ADAMTSL1: variants seen among roughly 807,000 people sequenced by gnomAD.
ADAMTSL1 encodes ADAMTS like 1.
In ADAMTSL1, 126 loss-of-function variants were observed where a neutral mutation model predicts 201.8. The observed-to-expected ratio is 0.62, with a 90% confidence interval of 0.54 to 0.72. ADAMTSL1 has a LOEUF of 0.72. Ranked by LOEUF, ADAMTSL1 falls within the 30% of genes least tolerant of loss-of-function variation. The pLI, the probability that ADAMTSL1 is intolerant of heterozygous loss-of-function variation, is 0.00. For synonymous variants in ADAMTSL1, 1,121 were observed against 903.4 expected (o/e 1.24, Z -4.32); for missense variants, 2,679 against 2,277.8 (o/e 1.18, Z -3.59).
At chr9:18,493,266 C>A (rs191697010) in intron 1 of ADAMTSL1, among the ~76,000 whole-genome samples, 12 of 152,296 alleles carry the variant, frequency 7.9e-5, no homozygotes, top group Admixed American at 7.2e-4. Context: ...ATTAATTCTG[C>A]TCAACTTTAC....
At chr9:18,763,568 A>G (rs1402548143) in intron 16 of ADAMTSL1, among the ~76,000 whole-genome samples, 1 of 152,108 alleles carries the variant, frequency 6.6e-6, no homozygotes, top group Non-Finnish European at 1.5e-5. Context: ...GTCCAGACCA[A>G]TGTCCTGGAG....
At chr9:18,681,578 T>C (rs1830470784) in intron 11 of ADAMTSL1, 1 of 326,732 alleles carries the variant, frequency 3.1e-6, no homozygotes, top group South Asian at 5.5e-5. Flanking sequence ...GACTGATTAA[T>C]CCAAAGCTAT....
chr9:18,865,229 C>T (rs1827451274), intron 23 of ADAMTSL1, among the ~76,000 whole-genome samples: 1 of 152,054 alleles, frequency 6.6e-6, no homozygotes, highest in Admixed American at 6.6e-5. Flanking sequence ...TGTGATGTTC[C>T]CCTTCCTGTG....
At chr9:18,587,547 T>A (rs1368138678) in intron 4 of ADAMTSL1, among the ~76,000 whole-genome samples, 1 of 152,196 alleles carries the variant, frequency 6.6e-6, no homozygotes, top group Non-Finnish European at 1.5e-5. Flanking sequence ...ATTGTCACTA[T>A]AATTTTCCCC....
chr9:18,446,497 A>C (rs1181356824), intron 2 of ADAMTSL1, among the ~76,000 whole-genome samples: 1 of 152,270 alleles, frequency 6.6e-6, no homozygotes, highest in Non-Finnish European at 1.5e-5. Context: ...AAAGTATCAC[A>C]AAATGTCAAC....
At chr9:18,283,843 C>T (rs368372331) in intron 2 of ADAMTSL1, among the ~76,000 whole-genome samples, 18 of 144,340 alleles carry the variant, frequency 1.2e-4, no homozygotes, top group African/African-American at 3.1e-4. Context: ...ACCCAGGAGG[C>T]GGAGCTTGCA....
chr9:17,928,077 C>G (rs113242278), intron 1 of ADAMTSL1, among the ~76,000 whole-genome samples: 1,693 of 151,698 alleles, frequency 0.011, 11 homozygotes, highest in Middle Eastern at 0.041. Flanking sequence ...TCACTGCAGC[C>G]TCGACTTCCT....
intron 2 of ADAMTSL1, among the ~76,000 whole-genome samples, chr9:18,394,904 A>T (rs1817688654): frequency 6.6e-6 from 1 of 152,322 alleles, no homozygotes; most frequent in South Asian, 2.1e-4. Context: ...GTGGGAAAAA[A>T]GTCTGCAAAT....
chr9:18,828,660 T>TATATATATATATATATATA (rs1554643932), intron 22 of ADAMTSL1, among the ~76,000 whole-genome samples: 3 of 28,514 alleles, frequency 1.1e-4, no homozygotes, highest in Admixed American at 2.9e-4. Context: ...GAAAGTATAT[T>TATATATATATATATATATA]TATATATATA....
At chr9:18,244,640 A>G (rs1316489898) in intron 2 of ADAMTSL1, among the ~76,000 whole-genome samples, 2 of 151,960 alleles carry the variant, frequency 1.3e-5, no homozygotes, top group East Asian at 1.9e-4. Flanking sequence ...ACTTTCTCCA[A>G]TTTCTCCTAC....
intron 2 of ADAMTSL1, among the ~76,000 whole-genome samples, chr9:18,380,414 A>T (rs1236939205): frequency 2.6e-5 from 4 of 152,234 alleles, no homozygotes; most frequent in Admixed American, 2.6e-4. Flanking sequence ...TTAAGGAAAT[A>T]AGGGAATAAA....
intron 11 of ADAMTSL1, 98 bp from the exon 12 acceptor site, chr9:18,681,714 G>GGGGA (rs1564146020): frequency 1.6e-5 from 14 of 884,472 alleles, no homozygotes; most frequent in African/African-American, 6.6e-5. Context: ...GGGGGGCGGG[G>GGGGA]AAAAAGAAAA....
chr9:18,509,190 CAAAAAAAAAAAAAAAAAAAAAAAA>C lies in ADAMTSL1; in HGVS notation c.191+4253_191+4276del, dbSNP rs57922962. ...TGGGCGACAGAGCGAGACTCCGTCTCAAAAAAAAAAAAAAAAAAAAAAAAAAAAAAAAAAAAAAAAAAGAAATAG... is the reference window on the plus strand; with the variant it reads ...TGGGCGACAGAGCGAGACTCCGTCTCAAAAAAAAAAAAAAAAAAGAAATAG... On this transcript the variant is annotated intron_variant, in intron 2 of 28. Coordinates refer to ENST00000380548, the MANE Select transcript of ADAMTSL1 (RefSeq NM_001040272.6). Among the ~76,000 whole-genome samples the C allele has an allele frequency of 1.1e-3, 22 of 20,466 alleles. 3 individuals are homozygous for C. Among genetic ancestry groups the C allele is most frequent in the Admixed American group, 5.7e-3 (7 of 1,220 alleles). 13.4% of individuals were successfully genotyped at this position (20,466 alleles called of 152,430 possible). A position where few individuals can be genotyped will look rare whatever the true frequency, so the allele number is the denominator to read the frequency against.
intron 2 of ADAMTSL1, among the ~76,000 whole-genome samples, chr9:18,268,338 C>G (rs552819765): frequency 3.3e-5 from 5 of 152,124 alleles, no homozygotes; most frequent in African/African-American, 9.7e-5. Context: ...GGTTTTCCCC[C>G]CTTCTTGTTA....
At chr9:18,741,254 A>T (rs1357105292) in intron 15 of ADAMTSL1, among the ~76,000 whole-genome samples, 1 of 152,190 alleles carries the variant, frequency 6.6e-6, no homozygotes, top group East Asian at 1.9e-4. Flanking sequence ...CATAATTCTC[A>T]GTACATACTA....
At chr9:18,595,480 G>T (rs1824202770) in intron 4 of ADAMTSL1, among the ~76,000 whole-genome samples, 1 of 152,176 alleles carries the variant, frequency 6.6e-6, no homozygotes, top group South Asian at 2.1e-4. Flanking sequence ...GTAAGTTCCT[G>T]CACAGGTAGG....
intron 21 of ADAMTSL1, among the ~76,000 whole-genome samples, chr9:18,824,044 G>C (rs4313669): frequency 0.15 from 22,113 of 151,050 alleles, 2,099 homozygotes; most frequent in African/African-American, 0.27. Flanking sequence ...AACGAAGGAA[G>C]GAAGGAAGGA....
chr9:18,401,445 G>A (rs934859806), intron 2 of ADAMTSL1, among the ~76,000 whole-genome samples: 1 of 152,298 alleles, frequency 6.6e-6, no homozygotes, highest in South Asian at 2.1e-4. Context: ...CTCCAGTAGT[G>A]GTTGGTTTAG....
chr9:18,376,205 G>A (rs1375644302), intron 2 of ADAMTSL1, among the ~76,000 whole-genome samples: 1 of 152,148 alleles, frequency 6.6e-6, no homozygotes, highest in Admixed American at 6.5e-5. Context: ...AGAATTTTAA[G>A]ATATTTCTTG....
Sources: gnomAD v4.1 joint callset for allele counts (sites outside exome capture counted in the v4.1 genomes callset) on GRCh38, gnomAD v4.1.1 for gene constraint, MANE v1.5 for transcripts, NCBI Gene and HGNC (gene_info 2026-07-23, HGNC 2026-07-21) for gene names.